Variants in ITGB3BP observed in about 807,000 individuals in gnomAD.
ITGB3BP encodes the protein centromere protein R.
A neutral mutation model predicts 29.1 loss-of-function variants in ITGB3BP; 27 were observed. The ratio of observed to expected loss-of-function variants is 0.93; its 90% CI spans 0.68 to 1.28. ITGB3BP has a LOEUF of 1.28. Ranked by LOEUF, ITGB3BP falls within the 50% of genes most tolerant of loss-of-function variation. The pLI, the probability that ITGB3BP is intolerant of heterozygous loss-of-function variation, is 0.00. For synonymous variants in ITGB3BP, 61 were observed against 61.4 expected (o/e 0.99, Z 0.03); for missense variants, 192 against 200.2 (o/e 0.96, Z 0.25).
At position 63,512,674 on chromosome 1, in the gene ITGB3BP, A is replaced by G. The variant is rs894293001; in HGVS notation, c.6-4104T>C. ...CTCACTAAGCTTCATAAAGTTGATA[A>G]TAACACAGGCCTGTAAAGTAGTAAG... On this transcript the variant is annotated intron_variant, in intron 1 of 8. Transcript: ENST00000271002. Among the ~76,000 whole-genome samples, 8 of 152,286 alleles carry G rather than the reference A, an allele frequency of 5.3e-5. No homozygotes were observed. The East Asian group carries it at 1.2e-3, about 22-fold the overall frequency.
intron 4 of ITGB3BP, chr1:63,457,518 ATTTG>A (rs1185189426): frequency 6.6e-6 from 1 of 152,052 alleles, no homozygotes; most frequent in African/African-American, 2.4e-5. Flanking sequence ...TCCTTTACTA[ATTTG>A]TTTATTCCTG....
At chr1:63,453,429 T>C (rs376905514) in intron 7 of ITGB3BP, among the ~76,000 whole-genome samples, 3 of 152,310 alleles carry the variant, frequency 2.0e-5, no homozygotes, top group Admixed American at 6.5e-5. Flanking sequence ...GTGTACTTCC[T>C]ATGGAAACCT....
At chr1:63,466,874 C>T (rs369340558) in intron 4 of ITGB3BP, among the ~76,000 whole-genome samples, 3 of 152,266 alleles carry the variant, frequency 2.0e-5, no homozygotes, top group Admixed American at 6.5e-5. Context: ...GAGTATTGCG[C>T]CTTCTCCAAG....
chr1:63,498,187 T>C (rs1464307276), intron 2 of ITGB3BP, among the ~76,000 whole-genome samples: 1 of 152,036 alleles, frequency 6.6e-6, no homozygotes, highest in Non-Finnish European at 1.5e-5. Flanking sequence ...AAAATTTGAA[T>C]AAAACTATAT....
intron 1 of ITGB3BP, among the ~76,000 whole-genome samples, chr1:63,515,163 A>C (rs2100806504): frequency 6.6e-6 from 1 of 152,268 alleles, no homozygotes. Flanking sequence ...TTAGGACTAA[A>C]ATGTATCTCA....
chr1:63,465,818 T>A (rs1266511459), intron 4 of ITGB3BP, among the ~76,000 whole-genome samples: 1 of 152,202 alleles, frequency 6.6e-6, no homozygotes, highest in African/African-American at 2.4e-5. Flanking sequence ...GTAAAAATGA[T>A]TTGAGTCATG....
chr1:63,463,356 A>C lies in ITGB3BP; in HGVS notation c.255-8388T>G, dbSNP rs571679881. Among the ~76,000 whole-genome samples the C allele has an allele frequency of 2.6e-5, 4 of 152,102 alleles. No homozygotes were observed. In the South Asian group the frequency reaches 8.3e-4, roughly 32 times the overall value. ...TGGTAGATACAAGAATCTACACGTG[A>C]TAAAATTGCACAGAACTAAATACAC... On this transcript the variant is annotated intron_variant, in intron 4 of 8. Transcript: ENST00000271002.
At chr1:63,515,286 C>T (rs1646289799) in intron 1 of ITGB3BP, among the ~76,000 whole-genome samples, 1 of 152,140 alleles carries the variant, frequency 6.6e-6, no homozygotes, top group African/African-American at 2.4e-5. Context: ...CACTGAGCTG[C>T]TTTGGTACCT....
chr1:63,488,738 G>T (rs1297132815), intron 3 of ITGB3BP, among the ~76,000 whole-genome samples: 1 of 152,018 alleles, frequency 6.6e-6, no homozygotes, highest in African/African-American at 2.4e-5. Context: ...AAACATGTAT[G>T]TGCAGTCTGA....
chr1:63,452,040 G>A (rs1644867316), intron 7 of ITGB3BP: 1 of 152,014 alleles, frequency 6.6e-6, no homozygotes, highest in Non-Finnish European at 1.5e-5. Flanking sequence ...GGAAAATCTG[G>A]TAATGGGCAA....
At chr1:63,506,480 T>C (rs1318820162) in intron 2 of ITGB3BP, among the ~76,000 whole-genome samples, 1 of 152,100 alleles carries the variant, frequency 6.6e-6, no homozygotes, top group African/African-American at 2.4e-5. Flanking sequence ...ACCCCCATGA[T>C]CCAAATTATC....
intron 7 of ITGB3BP, among the ~76,000 whole-genome samples, chr1:63,450,176 G>A (rs1417693232): frequency 6.6e-6 from 1 of 151,818 alleles, no homozygotes; most frequent in Admixed American, 6.6e-5. Flanking sequence ...GACCAAAGTT[G>A]GAAATTCTGA....
intron 2 of ITGB3BP, among the ~76,000 whole-genome samples, chr1:63,504,773 T>C (rs1249499315): frequency 6.7e-6 from 1 of 149,854 alleles, no homozygotes; most frequent in African/African-American, 2.5e-5. Flanking sequence ...GATAATCATG[T>C]GGTTTTTGTC....
intron 8 of ITGB3BP, among the ~76,000 whole-genome samples, chr1:63,444,896 T>A (rs181029437): frequency 6.6e-6 from 1 of 152,066 alleles, no homozygotes; most frequent in Admixed American, 6.6e-5. Flanking sequence ...GCCTTACCTA[T>A]AAAATAAAAG....
chr1:63,449,615 C>T (rs1157371186), intron 7 of ITGB3BP: 1 of 153,178 alleles, frequency 6.5e-6, no homozygotes, highest in Non-Finnish European at 1.5e-5. Context: ...TCACATATGG[C>T]ATACATGATA....
intron 2 of ITGB3BP, among the ~76,000 whole-genome samples, chr1:63,507,375 A>G (rs1646103725): frequency 6.6e-6 from 1 of 152,230 alleles, no homozygotes; most frequent in African/African-American, 2.4e-5. Flanking sequence ...GAAAAAATAC[A>G]AAGAAGGCCT....
intron 1 of ITGB3BP, among the ~76,000 whole-genome samples, chr1:63,518,555 G>A (rs1459425178): frequency 2.7e-5 from 4 of 149,564 alleles, no homozygotes; most frequent in Admixed American, 2.0e-4. Flanking sequence ...TCTCCTGTTA[G>A]ACTGTTATAT....
chr1:63,509,359 TA>T (rs1646148942), intron 1 of ITGB3BP, among the ~76,000 whole-genome samples: 1 of 152,202 alleles, frequency 6.6e-6, no homozygotes, highest in Non-Finnish European at 1.5e-5. Flanking sequence ...CAATATAAAT[TA>T]AAACTAGTTT....
chr1:63,518,226 T>C lies in ITGB3BP; in HGVS notation c.5+4903A>G, dbSNP rs535042048. On this transcript the variant is annotated intron_variant, in intron 1 of 8. Coordinates refer to ENST00000271002, the MANE Select transcript of ITGB3BP (RefSeq NM_014288.5). ...GGTTTTATTTTCTCACGAATGGGTA[T>C]GTTCTCTGTACAATTAACCAATGAA... Among the ~76,000 whole-genome samples, 6 of 152,370 alleles carry C rather than the reference T, an allele frequency of 3.9e-5. No individual in the cohort carries two copies. In the South Asian group the frequency reaches 1.2e-3, roughly 32 times the overall value.
Sources: allele counts gnomAD v4.1 joint callset (sites outside exome capture counted in the v4.1 genomes callset), GRCh38; gene constraint gnomAD v4.1.1; transcripts MANE v1.5; gene names NCBI Gene and HGNC (gene_info 2026-07-23, HGNC 2026-07-21).